Variants in DPYD observed in about 807,000 individuals in gnomAD.
DPYD encodes dihydropyrimidine dehydrogenase [NADP(+)].
Under a neutral mutation model 116.2 loss-of-function variants are expected in DPYD, and 109 were observed. The observed-to-expected ratio is 0.94, with a 90% CI of 0.80 to 1.10. The LOEUF (loss-of-function observed/expected upper bound fraction) is 1.10, where lower values mean the gene tolerates loss of function less well. DPYD is among the 50% of genes least tolerant of loss of function. The pLI, the probability that DPYD is intolerant of heterozygous loss-of-function variation, is 0.00. For synonymous variants in DPYD, 440 were observed against 432.0 expected (o/e 1.02, Z -0.23); for missense variants, 1,302 against 1,254.5 (o/e 1.04, Z -0.57).
chr1:97,308,075 G>C (rs1028320048), intron 16 of DPYD, among the ~76,000 whole-genome samples: 4 of 151,654 alleles, frequency 2.6e-5, no homozygotes, highest in Admixed American at 6.6e-5. Context: ...TCTGATATAG[G>C]CTTCCAAGTG....
At chr1:97,084,389 CCTT>C (rs1010913878) in intron 21 of DPYD, among the ~76,000 whole-genome samples, 1 of 151,688 alleles carries the variant, frequency 6.6e-6, no homozygotes, top group African/African-American at 2.4e-5. Context: ...CTTAATCCTT[CCTT>C]CTTCTTTCCT....
At chr1:97,552,420 G>C (rs1411220959) in intron 11 of DPYD, among the ~76,000 whole-genome samples, 1 of 151,804 alleles carries the variant, frequency 6.6e-6, no homozygotes, top group African/African-American at 2.4e-5. Flanking sequence ...GTCAGGAAAT[G>C]TTACTCTGAG....
At chr1:97,413,011 C>T (rs937266417) in intron 14 of DPYD, among the ~76,000 whole-genome samples, 37 of 152,182 alleles carry the variant, frequency 2.4e-4, no homozygotes, top group Non-Finnish European at 4.6e-4. Flanking sequence ...ATTTTCACAT[C>T]CATGATCATG....
At chr1:97,388,259 T>A (rs556595948) in intron 14 of DPYD, among the ~76,000 whole-genome samples, 1 of 152,082 alleles carries the variant, frequency 6.6e-6, no homozygotes, top group Non-Finnish European at 1.5e-5. Flanking sequence ...TTTTAATATT[T>A]TATATTTAGT....
At chr1:97,444,658 A>G (rs1258015897) in intron 14 of DPYD, among the ~76,000 whole-genome samples, 3 of 152,114 alleles carry the variant, frequency 2.0e-5, no homozygotes, top group Non-Finnish European at 4.4e-5. Context: ...CATTGTATCC[A>G]CAGGAGATTT....
At chr1:97,528,515 T>A (rs1393072289) in intron 12 of DPYD, among the ~76,000 whole-genome samples, 2 of 152,060 alleles carry the variant, frequency 1.3e-5, no homozygotes, top group Non-Finnish European at 2.9e-5. Flanking sequence ...GTCCCATCTT[T>A]CTCCATCTAA....
intron 18 of DPYD, among the ~76,000 whole-genome samples, chr1:97,271,549 A>T (rs1664583252): frequency 6.6e-6 from 1 of 152,168 alleles, no homozygotes; most frequent in Non-Finnish European, 1.5e-5. Context: ...TCAAAGAGAG[A>T]TTGCTATTTT....
rs267598790 is a variant in DPYD, at chr1:97,883,369, G to T, written c.45C>A (p.Ile15=). 1 of 1,602,122 alleles carries T rather than the reference G, an allele frequency of 6.2e-7. No homozygotes were observed. Among genetic ancestry groups the T allele is most frequent in the South Asian group, 1.1e-5 (1 of 90,834 alleles). Residue 15 remains isoleucine (I), a synonymous_variant, in exon 2 of 23, where the codon ATC becomes ATA. Transcript: ENST00000370192. ...TTTGTGTTCGAGGATTTAAAGCCAG[G>T]ATACTCTAAAGACAGCATAAACAAT... ...LSKDSADIES[I]LALNPRTQTH... is the part of the protein sequence containing the mutation.
At chr1:97,878,955 T>G (rs1413145791) in intron 2 of DPYD, among the ~76,000 whole-genome samples, 1 of 151,958 alleles carries the variant, frequency 6.6e-6, no homozygotes, top group African/African-American at 2.4e-5. Context: ...AAAAAAAAAT[T>G]ATCAAAACCC....
At chr1:97,870,881 G>A (rs189922828) in intron 2 of DPYD, among the ~76,000 whole-genome samples, 38 of 151,904 alleles carry the variant, frequency 2.5e-4, no homozygotes, top group Middle Eastern at 3.4e-3. Context: ...AGCATTTTAC[G>A]TGGGTTCCAC....
At chr1:97,173,234 GCACA>G (rs1205568816) in intron 20 of DPYD, among the ~76,000 whole-genome samples, 2 of 106,352 alleles carry the variant, frequency 1.9e-5, no homozygotes, top group Non-Finnish European at 4.0e-5. Context: ...ACATATATGC[GCACA>G]CATATATGTA....
intron 5 of DPYD, among the ~76,000 whole-genome samples, chr1:97,706,925 C>A (rs948819307): frequency 1.3e-5 from 2 of 152,056 alleles, no homozygotes; most frequent in Non-Finnish European, 2.9e-5. Flanking sequence ...GTCAAACTGT[C>A]TTCCAAATTG....
chr1:97,431,317 C>A (rs549404835), intron 14 of DPYD, among the ~76,000 whole-genome samples: 1 of 152,020 alleles, frequency 6.6e-6, no homozygotes, highest in Non-Finnish European at 1.5e-5. Context: ...TATTGAGGCA[C>A]TAAAACCTAG....
At chr1:97,760,292 T>A (rs1665501365) in intron 3 of DPYD, among the ~76,000 whole-genome samples, 1 of 152,118 alleles carries the variant, frequency 6.6e-6, no homozygotes, top group Non-Finnish European at 1.5e-5. Flanking sequence ...ACAGCCATAT[T>A]TGAATCTCTC....
At chr1:97,716,316 T>C (rs1021073471) in intron 5 of DPYD, among the ~76,000 whole-genome samples, 2 of 152,014 alleles carry the variant, frequency 1.3e-5, no homozygotes, top group African/African-American at 4.8e-5. Flanking sequence ...ATAAGAATAG[T>C]TAACAAAATT....
At chr1:97,513,236 T>C (rs1351114093) in intron 13 of DPYD, among the ~76,000 whole-genome samples, 1 of 150,222 alleles carries the variant, frequency 6.7e-6, no homozygotes, top group Non-Finnish European at 1.5e-5. Context: ...CCCAAAAAAA[T>C]AAAAAAAGGG....
chr1:97,139,215 C>T (rs1654028513), intron 20 of DPYD, among the ~76,000 whole-genome samples: 1 of 152,072 alleles, frequency 6.6e-6, no homozygotes, highest in Non-Finnish European at 1.5e-5. Context: ...CGGTGATGAA[C>T]AAGTCAGTCA....
chr1:97,498,157 C>T (rs975555906), intron 13 of DPYD, among the ~76,000 whole-genome samples: 5 of 151,368 alleles, frequency 3.3e-5, no homozygotes, highest in Admixed American at 1.3e-4. Context: ...CCAGAGGCTG[C>T]GGGATGTGGG....
chr1:97,739,232 C>T (rs1664129773), intron 4 of DPYD, among the ~76,000 whole-genome samples: 1 of 151,984 alleles, frequency 6.6e-6, no homozygotes, highest in South Asian at 2.1e-4. Context: ...AATAGGGAAA[C>T]TAATAATTCC....
Sources: gnomAD v4.1 joint callset for allele counts (sites outside exome capture counted in the v4.1 genomes callset) on GRCh38, gnomAD v4.1.1 for gene constraint, MANE v1.5 for transcripts, NCBI Gene and HGNC (gene_info 2026-07-23, HGNC 2026-07-21) for gene names.